Variants in IL1RAPL1 observed in about 807,000 individuals in gnomAD.
IL1RAPL1 encodes the protein interleukin-1 receptor accessory protein-like 1.
IL1RAPL1 carries 3 observed loss-of-function variants against 48.4 expected under a neutral mutation model. The observed-to-expected ratio is 0.06, with a 90% CI of 0.03 to 0.16. The LOEUF is 0.16. IL1RAPL1 is among the 10% of genes least tolerant of loss of function. The pLI is 1.00. For missense variants in IL1RAPL1, 349 were observed against 530.6 expected (o/e 0.66, Z 3.36); for synonymous variants, 185 against 187.7 (o/e 0.99, Z 0.12).
chrX:29,081,688 G>A (rs890810591), intron 2 of IL1RAPL1, among the ~76,000 whole-genome samples: 1 of 111,579 alleles, frequency 9.0e-6, no homozygotes, highest in Admixed American at 9.6e-5. Context: ...CTGCCTTTGT[G>A]CTGTTTCAGA....
At chrX:28,642,300 G>A (rs1342738456) in intron 1 of IL1RAPL1, among the ~76,000 whole-genome samples, 2 of 111,225 alleles carry the variant, frequency 1.8e-5, no homozygotes, top group Non-Finnish European at 3.8e-5. Flanking sequence ...TTCAGCTCTG[G>A]AACAAGCAGA....
chrX:28,931,235 C>T (rs925786941), intron 2 of IL1RAPL1, among the ~76,000 whole-genome samples: 1 of 111,589 alleles, frequency 9.0e-6, no homozygotes, highest in Admixed American at 9.5e-5. Context: ...CCTCCTGTCA[C>T]CATGATTGAT....
At chrX:29,214,337 A>G (rs1930826354) in intron 2 of IL1RAPL1, among the ~76,000 whole-genome samples, 1 of 111,438 alleles carries the variant, frequency 9.0e-6, no homozygotes, top group Admixed American at 9.6e-5. Context: ...TGTGTTTGGG[A>G]TGCAAAATGA....
At chrX:28,927,394 T>C (rs976918139) in intron 2 of IL1RAPL1, among the ~76,000 whole-genome samples, 1 of 112,103 alleles carries the variant, frequency 8.9e-6, no homozygotes, top group African/African-American at 3.2e-5. Context: ...TCTGCTGTTT[T>C]CTAACTTTAA....
At chrX:29,319,516 TTGTATGTATGTA>T (rs752096218) in intron 3 of IL1RAPL1, among the ~76,000 whole-genome samples, 30 of 91,192 alleles carry the variant, frequency 3.3e-4, no homozygotes, top group South Asian at 2.6e-3. Flanking sequence ...ATGTGATATT[TTGTATGTATGTA>T]TGTATGTATG....
At chrX:28,589,332 G>A (rs1244603547) in intron 1 of IL1RAPL1, among the ~76,000 whole-genome samples, 1 of 111,607 alleles carries the variant, frequency 9.0e-6, no homozygotes. Context: ...CCATCACCCT[G>A]TTAACTTTTG....
At chrX:29,242,822 CA>C (rs1231237103) in intron 2 of IL1RAPL1, among the ~76,000 whole-genome samples, 1 of 112,149 alleles carries the variant, frequency 8.9e-6, no homozygotes, top group Non-Finnish European at 1.9e-5. Flanking sequence ...AATGATGAAA[CA>C]GACGTGAATA....
At chrX:28,856,233 A>C (rs374278868) in intron 2 of IL1RAPL1, among the ~76,000 whole-genome samples, 4 of 111,957 alleles carry the variant, frequency 3.6e-5, no homozygotes, top group African/African-American at 1.3e-4. Context: ...TGTCTGGGTT[A>C]GAATATGTGA....
chrX:29,812,283 T>C (rs1930397291), intron 6 of IL1RAPL1, among the ~76,000 whole-genome samples: 1 of 111,626 alleles, frequency 9.0e-6, no homozygotes, highest in African/African-American at 3.3e-5. Context: ...AAAAGTAGAG[T>C]TGTGGATAAT....
At chrX:29,730,322 A>G (rs1415789954) in intron 6 of IL1RAPL1, among the ~76,000 whole-genome samples, 1 of 111,870 alleles carries the variant, frequency 8.9e-6, no homozygotes, top group South Asian at 3.7e-4. Flanking sequence ...TTCTGTTACA[A>G]CTTTACCCCC....
intron 7 of IL1RAPL1, among the ~76,000 whole-genome samples, chrX:29,918,144 A>AAAAAAAAAAAATATATAT (rs1555935868): frequency 3.4e-4 from 8 of 23,753 alleles, no homozygotes; most frequent in African/African-American, 4.8e-4. Flanking sequence ...AAAAAAAAAA[A>AAAAAAAAAAAATATATAT]ATATATATAT....
At chrX:29,827,114 T>C (rs1368416428) in intron 6 of IL1RAPL1, among the ~76,000 whole-genome samples, 6 of 112,281 alleles carry the variant, frequency 5.3e-5, no homozygotes, top group African/African-American at 1.6e-4. Flanking sequence ...ACTACTGATG[T>C]TGAACGTAGT....
chrX:28,669,623 A>C (rs963049020), intron 1 of IL1RAPL1, among the ~76,000 whole-genome samples: 1 of 103,949 alleles, frequency 9.6e-6, no homozygotes, highest in Admixed American at 1.1e-4. Flanking sequence ...CTATCTCAAA[A>C]AATATTATAT....
chrX:29,706,731 A>C (rs1011365528), intron 6 of IL1RAPL1, among the ~76,000 whole-genome samples: 2 of 111,805 alleles, frequency 1.8e-5, no homozygotes, highest in Non-Finnish European at 3.8e-5. Flanking sequence ...GTGCTGGGAT[A>C]ATTGGAAGCC....
intron 2 of IL1RAPL1, among the ~76,000 whole-genome samples, chrX:29,267,921 C>T (rs1480787996): frequency 9.0e-6 from 1 of 111,513 alleles, no homozygotes; most frequent in Non-Finnish European, 1.9e-5. Context: ...ACTTAGGAGT[C>T]AGTAGCTCAA....
intron 2 of IL1RAPL1, among the ~76,000 whole-genome samples, chrX:29,275,452 C>T (rs968502177): frequency 5.4e-5 from 6 of 111,972 alleles, no homozygotes; most frequent in African/African-American, 1.6e-4. Flanking sequence ...CAGAACCTTA[C>T]CATATACTGT....
Position 29,449,449 on chromosome X carries a change from A to C in IL1RAPL1, c.703+50141A>C, listed in dbSNP as rs1434864308. ...ACAGAAGGTAGGATAGTAATTTACC[A>C]CTCTTACTATGAGGTGTGGGTGTAC... On this transcript the variant is annotated intron_variant, in intron 5 of 10. Coordinates refer to ENST00000378993, the MANE Select transcript of IL1RAPL1 (RefSeq NM_014271.4). Among the ~76,000 whole-genome samples, 3 of 110,360 alleles carry C rather than the reference A, an allele frequency of 2.7e-5. No homozygotes were observed. In the Admixed American group the frequency reaches 2.9e-4, roughly 11 times the overall value.
At chrX:29,182,655 T>C (rs191167041) in intron 2 of IL1RAPL1, among the ~76,000 whole-genome samples, 68 of 111,061 alleles carry the variant, frequency 6.1e-4, no homozygotes, top group African/African-American at 2.1e-3. Flanking sequence ...GTTTTGTCAT[T>C]TGGTAACGGC....
At chrX:28,751,844 T>C (rs1936047149) in intron 1 of IL1RAPL1, among the ~76,000 whole-genome samples, 1 of 112,143 alleles carries the variant, frequency 8.9e-6, no homozygotes, top group Admixed American at 9.5e-5. Flanking sequence ...CAAGTGGTTT[T>C]TTTTTGGTAT....
Sources: gnomAD v4.1 joint callset for allele counts (sites outside exome capture counted in the v4.1 genomes callset) on GRCh38, gnomAD v4.1.1 for gene constraint, MANE v1.5 for transcripts, NCBI Gene and HGNC (gene_info 2026-07-23, HGNC 2026-07-21) for gene names.